The following MCF2L variants were observed in gnomAD, a reference collection of about 807,000 sequenced individuals.
MCF2L encodes the protein MCF.2 cell line derived transforming sequence like, also known as guanine nucleotide exchange factor DBS.
A neutral mutation model predicts 153.4 loss-of-function variants in MCF2L; 97 were observed. The observed-to-expected ratio is 0.63, with a 90% CI of 0.54 to 0.75. The LOEUF (loss-of-function observed/expected upper bound fraction) is 0.75, where lower values mean the gene tolerates loss of function less well. MCF2L is among the 30% of genes least tolerant of loss of function. The pLI is 0.00. For synonymous variants in MCF2L, 659 were observed against 632.2 expected, an observed-to-expected ratio of 1.04 and a Z score of -0.64; for missense variants, 1,347 against 1,495.2, an observed-to-expected ratio of 0.90 and a Z score of 1.64.
intron 2 of MCF2L, among the ~76,000 whole-genome samples, chr13:112,949,282 G>T (rs531842519): frequency 1.3e-5 from 2 of 152,070 alleles, no homozygotes; most frequent in Non-Finnish European, 2.9e-5. Flanking sequence ...AGGCCCAGAT[G>T]GTTTTTCTAA....
chr13:113,047,886 A>ACGCCTCACTACGCG (rs56877579), intron 4 of MCF2L, among the ~76,000 whole-genome samples: 1 of 149,832 alleles, frequency 6.7e-6, no homozygotes, highest in African/African-American at 2.5e-5. Flanking sequence ...GCCTCCGCTG[A>ACGCCTCACTACGCG]TGCCTCGCTA....
intron 1 of MCF2L, among the ~76,000 whole-genome samples, chr13:113,000,543 C>T (rs936919195): frequency 2.0e-5 from 3 of 152,164 alleles, no homozygotes; most frequent in Middle Eastern, 3.2e-3. Flanking sequence ...TGCTTGTCAG[C>T]GCAATCATGG....
intron 2 of MCF2L, among the ~76,000 whole-genome samples, chr13:112,914,496 A>T (rs1329335014): frequency 2.0e-5 from 3 of 152,244 alleles, no homozygotes; most frequent in African/African-American, 7.2e-5. Context: ...TGGATCTCAC[A>T]TTCCCAGAGG....
chr13:112,959,113 G>T (rs1251920558), intron 2 of MCF2L, among the ~76,000 whole-genome samples: 1 of 152,208 alleles, frequency 6.6e-6, no homozygotes, highest in Non-Finnish European at 1.5e-5. Flanking sequence ...TATCTGAAAA[G>T]TTCCAGTTTA....
intron 3 of MCF2L, among the ~76,000 whole-genome samples, chr13:113,039,420 A>G (rs986841534): frequency 3.9e-5 from 6 of 152,252 alleles, no homozygotes; most frequent in Non-Finnish European, 8.8e-5. Context: ...CAAGGTTTAA[A>G]AAGCAGTTAT....
chr13:113,039,229 G>A (rs1249697007), intron 3 of MCF2L, among the ~76,000 whole-genome samples: 1 of 152,196 alleles, frequency 6.6e-6, no homozygotes, highest in African/African-American at 2.4e-5. Context: ...TCAGTAAGAG[G>A]AGTGGATGTG....
intron 3 of MCF2L, among the ~76,000 whole-genome samples, chr13:113,032,325 G>A (rs1360051644): frequency 6.6e-6 from 1 of 152,166 alleles, no homozygotes; most frequent in Non-Finnish European, 1.5e-5. Flanking sequence ...GTGTCTGTGA[G>A]CGTGTGTGAG....
At chr13:112,924,128 G>T (rs566643308) in intron 2 of MCF2L, among the ~76,000 whole-genome samples, 1 of 151,822 alleles carries the variant, frequency 6.6e-6, no homozygotes, top group Admixed American at 6.6e-5. Context: ...CTAAAAATAC[G>T]CACACACATT....
intron 2 of MCF2L, among the ~76,000 whole-genome samples, chr13:113,022,077 G>C (rs1170197108): frequency 6.6e-6 from 1 of 152,086 alleles, no homozygotes; most frequent in Non-Finnish European, 1.5e-5. Flanking sequence ...CTGCACCCTC[G>C]ACCCTGTGGC....
At chr13:112,940,953 C>T (rs1297689639) in intron 2 of MCF2L, among the ~76,000 whole-genome samples, 2 of 152,168 alleles carry the variant, frequency 1.3e-5, no homozygotes, top group African/African-American at 4.8e-5. Context: ...AGCCCACCCT[C>T]CTCCTTGTAC....
intron 3 of MCF2L, among the ~76,000 whole-genome samples, chr13:113,041,745 C>T (rs1395323235): frequency 7.9e-5 from 12 of 152,024 alleles, no homozygotes; most frequent in Admixed American, 7.9e-4. Flanking sequence ...GACGAGTGTC[C>T]ACCTGGGCCC....
At chr13:112,987,818 G>C (rs535667065) in intron 1 of MCF2L, among the ~76,000 whole-genome samples, 2 of 152,346 alleles carry the variant, frequency 1.3e-5, no homozygotes, top group East Asian at 3.9e-4. Flanking sequence ...CATCGCTGTG[G>C]GCGGACAGTG....
chr13:113,056,463 T>G (rs926778594), intron 4 of MCF2L, among the ~76,000 whole-genome samples: 1 of 123,464 alleles, frequency 8.1e-6, no homozygotes, highest in South Asian at 2.8e-4. Context: ...GTGGGTGCTG[T>G]GTGTTTGGGT....
chr13:112,989,978 A>G (rs138368565), intron 1 of MCF2L, among the ~76,000 whole-genome samples: 2 of 152,240 alleles, frequency 1.3e-5, no homozygotes, highest in Non-Finnish European at 2.9e-5. Flanking sequence ...TGCACAGTTC[A>G]CCATAGGTTC....
chr13:112,913,161 A>C, intron 2 of MCF2L, among the ~76,000 whole-genome samples: 1 of 126,954 alleles, frequency 7.9e-6, no homozygotes, highest in Non-Finnish European at 1.7e-5. Flanking sequence ...CTGTGTCTGT[A>C]TGTATGGGGT....
chr13:113,096,754 C>T lies in MCF2L; in HGVS notation c.3293-20C>T. The T allele has an allele frequency of 6.4e-7, 1 of 1,562,442 alleles. No homozygotes were observed. The highest frequency in any genetic ancestry group is 8.6e-7 in the Non-Finnish European group (1 of 1,162,274). On this transcript the variant is annotated intron_variant, in intron 29 of 29. Coordinates refer to ENST00000535094, the MANE Select transcript of MCF2L (RefSeq NM_001112732.3). ...GGCAGAGCCGACGCCGAAGCCCGTC[C>T]CCGCCTGATCTCCCCGCAGAGTCGA...
rs954032233 is a variant in MCF2L, at chr13:112,983,873, C to T, written c.79+14415C>T. Among the ~76,000 whole-genome samples the T allele has an allele frequency of 6.6e-6, 1 of 152,188 alleles. No homozygotes were observed. The highest frequency in any genetic ancestry group is 1.5e-5 in the Non-Finnish European group (1 of 68,040). ...GCAGCTGTTTTCCTTGGGTTGAGCA[C>T]TGAAAAGAGCCCCTTTGGGTTAGGA... is the stretch of plus-strand genomic sequence containing the variant. On this transcript the variant is annotated intron_variant, in intron 1 of 29. Transcript: ENST00000535094. The surrounding 1 kb of genome is among the most constrained non-coding windows in gnomAD (Gnocchi z 4.0).
chr13:113,024,495 A>T, intron 2 of MCF2L, 149 bp from the exon 3 acceptor site: 1 of 581,516 alleles, frequency 1.7e-6, no homozygotes, highest in Non-Finnish European at 3.2e-6. Flanking sequence ...AGCAGCACAC[A>T]TTTCTTTCAA....
intron 1 of MCF2L, among the ~76,000 whole-genome samples, chr13:112,970,800 G>A (rs2082014883): frequency 6.6e-6 from 1 of 152,128 alleles, no homozygotes; most frequent in Admixed American, 6.5e-5. Flanking sequence ...ATTGGAAAAA[G>A]GCTATCTCAG....
Sources: gnomAD v4.1 joint callset for allele counts (sites outside exome capture counted in the v4.1 genomes callset) on GRCh38, gnomAD v4.1.1 for gene constraint, Gnocchi (gnomAD v3.1) non-coding constraint, MANE v1.5 for transcripts, NCBI Gene and HGNC (gene_info 2026-07-23, HGNC 2026-07-21) for gene names.